TNIP3: variants seen among roughly 807,000 people sequenced by gnomAD.
TNIP3 encodes TNFAIP3-interacting protein 3.
A neutral mutation model predicts 54.1 loss-of-function variants in TNIP3; 34 were observed. The ratio of observed to expected loss-of-function variants is 0.63; its 90% CI spans 0.48 to 0.84. TNIP3 has a LOEUF of 0.84. Ranked by LOEUF, TNIP3 falls within the 40% of genes least tolerant of loss-of-function variation. The probability of loss-of-function intolerance (pLI) is 0.00; values close to 1 mark genes in which losing one functional copy is unlikely to be tolerated. For synonymous variants in TNIP3, 134 were observed against 136.8 expected (o/e 0.98, Z 0.14); for missense variants, 366 against 387.6 (o/e 0.94, Z 0.47).
chr4:121,218,502 C>T (rs1037762581), upstream of TNIP3, among the ~76,000 whole-genome samples: 4 of 151,920 alleles, frequency 2.6e-5, no homozygotes, highest in Admixed American at 6.6e-5. Flanking sequence ...ATTATAATTT[C>T]CAATAGTTTA....
At chr4:121,184,055 A>G (rs1724866633) in intron 2 of TNIP3, among the ~76,000 whole-genome samples, 2 of 152,166 alleles carry the variant, frequency 1.3e-5, no homozygotes, top group South Asian at 2.1e-4. Flanking sequence ...ACTGCTTTAT[A>G]TGATGTTGGC....
At chr4:121,152,187 C>T (rs560687174) in intron 5 of TNIP3, among the ~76,000 whole-genome samples, 2 of 152,156 alleles carry the variant, frequency 1.3e-5, no homozygotes, top group South Asian at 2.1e-4. Flanking sequence ...GAGGGTAGGC[C>T]CTGGATTCCA....
At chr4:121,173,996 A>G (rs1579440685) in intron 3 of TNIP3, among the ~76,000 whole-genome samples, 1 of 152,336 alleles carries the variant, frequency 6.6e-6, no homozygotes, top group East Asian at 1.9e-4. Flanking sequence ...TGTGCTAAGT[A>G]CTAGAATATG....
chr4:121,165,404 C>A (rs1046649186), upstream of TNIP3, among the ~76,000 whole-genome samples: 1 of 152,046 alleles, frequency 6.6e-6, no homozygotes, highest in Non-Finnish European at 1.5e-5. Context: ...TCCATCCAAC[C>A]TTATGACGGG....
At chr4:121,208,409 G>T (rs191414299) in intron 2 of TNIP3, among the ~76,000 whole-genome samples, 3 of 152,182 alleles carry the variant, frequency 2.0e-5, no homozygotes, top group Admixed American at 1.3e-4. Context: ...ATCTGGTCTT[G>T]TGGCCCCCAC....
At chr4:121,196,137 A>G (rs1725568959) in intron 2 of TNIP3, among the ~76,000 whole-genome samples, 1 of 152,196 alleles carries the variant, frequency 6.6e-6, no homozygotes, top group South Asian at 2.1e-4. Flanking sequence ...GAGATTAAGT[A>G]ATTTGCTCAC....
intron 3 of TNIP3, among the ~76,000 whole-genome samples, chr4:121,157,922 C>T (rs1730213834): frequency 6.6e-6 from 1 of 152,200 alleles, no homozygotes; most frequent in African/African-American, 2.4e-5. Context: ...TATTGCAAGG[C>T]TGCCTGACCA....
At chr4:121,154,350 C>G in intron 5 of TNIP3, 3 of 581,476 alleles carry the variant, frequency 5.2e-6, no homozygotes, top group Non-Finnish European at 8.8e-6. Flanking sequence ...TTTGTAGGGA[C>G]AAAAATTCTC....
At chr4:121,146,168 A>C (rs2148801563) in intron 7 of TNIP3, among the ~76,000 whole-genome samples, 1 of 152,290 alleles carries the variant, frequency 6.6e-6, no homozygotes, top group South Asian at 2.1e-4. Context: ...ATGGTTCTGC[A>C]AAACAATTTT....
intron 5 of TNIP3, 37 bp downstream of exon 5, chr4:121,154,514 T>A: frequency 6.2e-7 from 1 of 1,610,656 alleles, no homozygotes; most frequent in Middle Eastern, 1.7e-4. Context: ...TGCAGGGACT[T>A]CTCATTTTAA....
At chr4:121,203,115 A>G (rs1313025373) in intron 2 of TNIP3, among the ~76,000 whole-genome samples, 1 of 152,176 alleles carries the variant, frequency 6.6e-6, no homozygotes, top group Non-Finnish European at 1.5e-5. Flanking sequence ...TATGAAAAAG[A>G]TACTTGTAGA....
chr4:121,182,415 T>C (rs1255311130), intron 3 of TNIP3, among the ~76,000 whole-genome samples: 1 of 152,194 alleles, frequency 6.6e-6, no homozygotes, highest in Non-Finnish European at 1.5e-5. Flanking sequence ...AGTAGCATGA[T>C]CTCCTCACCT....
At chr4:121,136,605 G>T (rs1728799196) in intron 10 of TNIP3, 1 of 152,068 alleles carries the variant, frequency 6.6e-6, no homozygotes, top group African/African-American at 2.4e-5. Context: ...AGCACTTTGG[G>T]AGCCAGAGGC....
upstream of TNIP3, among the ~76,000 whole-genome samples, chr4:121,167,796 T>C (rs1730845480): frequency 6.6e-6 from 1 of 152,134 alleles, no homozygotes; most frequent in African/African-American, 2.4e-5. Context: ...TAACAGCTTG[T>C]GACAATCAGA....
intron 2 of TNIP3, among the ~76,000 whole-genome samples, chr4:121,186,577 A>G (rs1040932793): frequency 3.9e-5 from 6 of 152,158 alleles, no homozygotes; most frequent in African/African-American, 1.2e-4. Context: ...CCTGTTTTGT[A>G]AATGGAGGAA....
chr4:121,142,663 T>C lies in TNIP3; in HGVS notation c.786+63A>G, dbSNP rs1579375737. 5 of 1,452,164 alleles carry C rather than the reference T, an allele frequency of 3.4e-6. No individual in the cohort carries two copies. In the East Asian group the frequency reaches 9.1e-5, roughly 26 times the overall value. The allele number at this position is 1,452,164 out of a possible 1,614,324, so 90.0% of individuals were successfully genotyped here. A position where few individuals can be genotyped will look rare whatever the true frequency, so the allele number is the denominator to read the frequency against. ...TAGCAGAGCTTGAACATGTCTTTAATTGGGACAATGAGAAATGCTGTACAT... is the reference window on the plus strand; with the variant it reads ...TAGCAGAGCTTGAACATGTCTTTAACTGGGACAATGAGAAATGCTGTACAT... On this transcript the variant is annotated intron_variant, in intron 8 of 10. Transcript: ENST00000057513.
At chr4:121,220,308 A>G (rs541851593), upstream of TNIP3, among the ~76,000 whole-genome samples, 1 of 152,324 alleles carries the variant, frequency 6.6e-6, no homozygotes, top group African/African-American at 2.4e-5. Flanking sequence ...ATAGGTGAAC[A>G]TCATTGCTAG....
chr4:121,196,772 T>C (rs1455427174), intron 2 of TNIP3, among the ~76,000 whole-genome samples: 1 of 152,054 alleles, frequency 6.6e-6, no homozygotes, highest in Non-Finnish European at 1.5e-5. Flanking sequence ...GTTATAATAA[T>C]ACAATTTCAA....
chr4:121,182,004 A>G (rs1268974281), intron 3 of TNIP3, among the ~76,000 whole-genome samples: 1 of 152,146 alleles, frequency 6.6e-6, no homozygotes, highest in African/African-American at 2.4e-5. Flanking sequence ...TTAAAATGCC[A>G]GCCATGCTCT....
Sources: allele counts gnomAD v4.1 joint callset (sites outside exome capture counted in the v4.1 genomes callset), GRCh38; gene constraint gnomAD v4.1.1; transcripts MANE v1.5; gene names NCBI Gene and HGNC (gene_info 2026-07-23, HGNC 2026-07-21).